Variants in GPM6A observed in about 807,000 individuals in gnomAD.
GPM6A encodes glycoprotein M6A, also known as neuronal membrane glycoprotein M6-a.
A neutral mutation model predicts 32.1 loss-of-function variants in GPM6A; 7 were observed. The observed-to-expected ratio is 0.22, with a 90% CI of 0.12 to 0.41. The LOEUF is 0.41. GPM6A is among the 10% of genes least tolerant of loss of function. The probability of loss-of-function intolerance (pLI) is 1.00; values close to 1 mark genes in which losing one functional copy is unlikely to be tolerated. For missense variants in GPM6A, 235 were observed against 347.2 expected (o/e 0.68, Z 2.57); for synonymous variants, 130 against 123.4 (o/e 1.05, Z -0.35).
chr4:175,714,263 T>G (rs1334779447), intron 1 of GPM6A, among the ~76,000 whole-genome samples: 2 of 152,174 alleles, frequency 1.3e-5, no homozygotes, highest in African/African-American at 4.8e-5. Flanking sequence ...AGATAAGGAA[T>G]TACTCTAAGA....
intron 1 of GPM6A, chr4:176,002,231 C>T: frequency 7.0e-7 from 1 of 1,435,052 alleles, no homozygotes. Flanking sequence ...GGCCGAGGAA[C>T]ATTCATTTTC....
At chr4:175,956,766 GT>G (rs1740000022) in intron 1 of GPM6A, among the ~76,000 whole-genome samples, 2 of 151,592 alleles carry the variant, frequency 1.3e-5, no homozygotes, top group Non-Finnish European at 2.9e-5. Flanking sequence ...ACAATTTAAT[GT>G]AATTTTAATC....
intron 1 of GPM6A, among the ~76,000 whole-genome samples, chr4:175,990,633 G>A (rs1741109302): frequency 6.7e-6 from 1 of 149,450 alleles, no homozygotes; most frequent in Non-Finnish European, 1.5e-5. Context: ...CTGCTTTTGG[G>A]GGTGAAGTAG....
Position 175,669,873 on chromosome 4 carries a change from G to A in GPM6A, c.387+3807C>T, listed in dbSNP as rs572836560. ...AATTTGGACACAGCTTTTCAGGCAGGAAGAACATCATATGAATGTGAAGGC... is the reference window on the plus strand; with the variant it reads ...AATTTGGACACAGCTTTTCAGGCAGAAAGAACATCATATGAATGTGAAGGC... On this transcript the variant is annotated intron_variant, in intron 3 of 6. Coordinates refer to ENST00000393658, the MANE Select transcript of GPM6A (RefSeq NM_201591.3). 3.3e-5 allele frequency among the ~76,000 whole-genome samples: 5 copies of A among 152,220 alleles called. No homozygotes were observed. In the East Asian group the frequency reaches 9.7e-4, roughly 29 times the overall value.
At chr4:175,722,418 C>T (rs1210861024) in intron 1 of GPM6A, among the ~76,000 whole-genome samples, 2 of 152,092 alleles carry the variant, frequency 1.3e-5, no homozygotes, top group Non-Finnish European at 2.9e-5. Context: ...AGTTTTTATG[C>T]ATCTCTGGAA....
chr4:175,737,398 T>G (rs1475482273), intron 1 of GPM6A, among the ~76,000 whole-genome samples: 6 of 151,910 alleles, frequency 3.9e-5, no homozygotes, highest in Non-Finnish European at 5.9e-5. Context: ...TCCCAGCTAC[T>G]CAGGAGGCTG....
chr4:175,647,049 CA>C (rs1157894090), intron 4 of GPM6A, among the ~76,000 whole-genome samples: 2 of 152,118 alleles, frequency 1.3e-5, no homozygotes, highest in Non-Finnish European at 2.9e-5. Flanking sequence ...CTTTCAGCAA[CA>C]AAAATAGTGT....
At chr4:175,946,852 G>A (rs1739625313) in intron 1 of GPM6A, among the ~76,000 whole-genome samples, 1 of 152,146 alleles carries the variant, frequency 6.6e-6, no homozygotes, top group Non-Finnish European at 1.5e-5. Flanking sequence ...TGATTTATAA[G>A]AAAGGTGCCT....
chr4:175,824,335 A>G (rs1359585731), intron 1 of GPM6A, among the ~76,000 whole-genome samples: 1 of 152,148 alleles, frequency 6.6e-6, no homozygotes, highest in Non-Finnish European at 1.5e-5. Context: ...CCATCCACTT[A>G]CAAGTGTTCT....
At chr4:175,732,521 G>A (rs991064655) in intron 1 of GPM6A, among the ~76,000 whole-genome samples, 2 of 152,056 alleles carry the variant, frequency 1.3e-5, no homozygotes, top group African/African-American at 4.8e-5. Flanking sequence ...ATCTGAAAAA[G>A]CATGGGATTT....
chr4:175,873,315 C>T lies in GPM6A; in HGVS notation c.-22-61066G>A, dbSNP rs1460197516. 2.0e-5 allele frequency among the ~76,000 whole-genome samples: 3 copies of T among 151,472 alleles called. No homozygotes were observed. In the East Asian group the frequency reaches 5.8e-4, roughly 29 times the overall value. On this transcript the variant is annotated intron_variant, in intron 1 of 7. Coordinates refer to the GPM6A transcript ENST00000280187. ...TATCAGCAAGACTGAAAGACAAGTG[C>T]CTTGTGAAAAAAAAACACTGTAAAC...
intron 1 of GPM6A, among the ~76,000 whole-genome samples, chr4:175,831,715 CTT>C (rs780096379): frequency 2.9e-5 from 2 of 69,938 alleles, no homozygotes; most frequent in East Asian, 4.6e-4. Context: ...TTAGCCATCT[CTT>C]TTTTTTTTTT....
intron 1 of GPM6A, among the ~76,000 whole-genome samples, chr4:175,909,776 G>A (rs1454047521): frequency 3.3e-5 from 5 of 152,124 alleles, no homozygotes; most frequent in African/African-American, 1.2e-4. Context: ...GGCAAACAGA[G>A]AGAGATAAAC....
intron 6 of GPM6A, among the ~76,000 whole-genome samples, chr4:175,637,182 C>T (rs1260048922): frequency 1.2e-5 from 1 of 85,714 alleles, no homozygotes; most frequent in African/African-American, 4.8e-5. Flanking sequence ...ATATATGTGA[C>T]ATATATCATA....
At chr4:175,706,447 C>A (rs944421687) in intron 1 of GPM6A, among the ~76,000 whole-genome samples, 1 of 152,122 alleles carries the variant, frequency 6.6e-6, no homozygotes, top group Non-Finnish European at 1.5e-5. Flanking sequence ...GAGAGGCCAA[C>A]AAAATTGTGG....
At position 175,744,581 on chromosome 4, in the gene GPM6A, T is replaced by C. The variant is rs537473642; in HGVS notation, c.38-42814A>G. Among the ~76,000 whole-genome samples, 21 of 152,236 alleles carry C rather than the reference T, an allele frequency of 1.4e-4. No homozygotes were observed. The South Asian group carries it at 4.1e-3, about 30-fold the overall frequency. On this transcript the variant is annotated intron_variant, in intron 1 of 6. Transcript: ENST00000393658. ...GGATTAGCTCCTTTAGATTTTTCTT[T>C]TTTAAAAAATAGCCCAATATCAATT...
intron 1 of GPM6A, among the ~76,000 whole-genome samples, chr4:175,761,237 A>T (rs1292254173): frequency 6.6e-6 from 1 of 152,024 alleles, no homozygotes; most frequent in Non-Finnish European, 1.5e-5. Context: ...TGATTCTCCT[A>T]CCTCACACCA....
chr4:175,881,199 T>C (rs1737264181), intron 1 of GPM6A, among the ~76,000 whole-genome samples: 1 of 152,142 alleles, frequency 6.6e-6, no homozygotes, highest in South Asian at 2.1e-4. Flanking sequence ...GAAAAGACAC[T>C]TCTCAAAAGA....
intron 1 of GPM6A, among the ~76,000 whole-genome samples, chr4:175,799,835 C>T (rs1179118333): frequency 3.3e-5 from 5 of 151,258 alleles, no homozygotes; most frequent in East Asian, 2.0e-4. Context: ...CCACCGCGCC[C>T]GGCTAATTTT....
Sources: allele counts gnomAD v4.1 joint callset (sites outside exome capture counted in the v4.1 genomes callset), GRCh38; gene constraint gnomAD v4.1.1; transcripts MANE v1.5; gene names NCBI Gene and HGNC (gene_info 2026-07-23, HGNC 2026-07-21).